The following SLC25A21 variants were observed in gnomAD, a reference collection of about 807,000 sequenced individuals.
SLC25A21 encodes solute carrier family 25 member 21.
Under a neutral mutation model 43.8 loss-of-function variants are expected in SLC25A21, and 47 were observed. The ratio of observed to expected loss-of-function variants is 1.07; its 90% CI spans 0.85 to 1.37. The LOEUF (loss-of-function observed/expected upper bound fraction) is 1.37, where lower values mean the gene tolerates loss of function less well. Among genes scored for constraint, SLC25A21 ranks in the 40% most tolerant of loss-of-function variants. The probability of loss-of-function intolerance (pLI) is 0.00; values close to 1 mark genes in which losing one functional copy is unlikely to be tolerated. For synonymous variants in SLC25A21, 131 were observed against 121.3 expected, an observed-to-expected ratio of 1.08 and a Z score of -0.52; for missense variants, 352 against 350.2, an observed-to-expected ratio of 1.00 and a Z score of -0.04.
chr14:36,813,876 A>C (rs911569314), intron 3 of SLC25A21, 42 bp downstream of exon 3: 25 of 1,350,314 alleles, frequency 1.9e-5, no homozygotes, highest in Non-Finnish European at 2.5e-5. Flanking sequence ...AAACATGTTA[A>C]GTAGAAACAT....
At chr14:36,992,095 C>T (rs972593852) in intron 1 of SLC25A21, among the ~76,000 whole-genome samples, 1 of 152,186 alleles carries the variant, frequency 6.6e-6, no homozygotes, top group Non-Finnish European at 1.5e-5. Context: ...GGCTTCAGGC[C>T]GAGCACTTTG....
At chr14:37,117,217 C>T (rs1219306086) in intron 1 of SLC25A21, among the ~76,000 whole-genome samples, 1 of 152,204 alleles carries the variant, frequency 6.6e-6, no homozygotes, top group Admixed American at 6.5e-5. Context: ...TGAATGGAGT[C>T]TAAGTAAATA....
chr14:36,992,754 T>C (rs1005286981), intron 1 of SLC25A21, among the ~76,000 whole-genome samples: 3 of 152,224 alleles, frequency 2.0e-5, no homozygotes, highest in African/African-American at 4.8e-5. Flanking sequence ...ATAGGGGCTG[T>C]GTTATCAATG....
intron 1 of SLC25A21, among the ~76,000 whole-genome samples, chr14:36,992,675 A>G (rs1382822575): frequency 6.6e-6 from 1 of 152,178 alleles, no homozygotes; most frequent in African/African-American, 2.4e-5. Context: ...AGAAAATCAT[A>G]ACTTTTTTTT....
chr14:36,924,555 T>C (rs1333688920), intron 1 of SLC25A21, among the ~76,000 whole-genome samples: 3 of 151,980 alleles, frequency 2.0e-5, no homozygotes, highest in Non-Finnish European at 1.5e-5. Context: ...AGGGATAGCA[T>C]TAGGAGATAT....
chr14:36,860,050 G>C (rs1249160137), intron 2 of SLC25A21, among the ~76,000 whole-genome samples: 1 of 151,630 alleles, frequency 6.6e-6, no homozygotes, highest in Non-Finnish European at 1.5e-5. Context: ...CACTCCAATG[G>C]AAGTGGGCAA....
At chr14:37,016,481 C>T (rs906967498) in intron 1 of SLC25A21, among the ~76,000 whole-genome samples, 2 of 152,118 alleles carry the variant, frequency 1.3e-5, no homozygotes, top group African/African-American at 4.8e-5. Context: ...TAGCGTGATG[C>T]CTCCAGCTTT....
At chr14:36,769,619 T>A (rs193130235) in intron 3 of SLC25A21, among the ~76,000 whole-genome samples, 4 of 152,320 alleles carry the variant, frequency 2.6e-5, no homozygotes, top group African/African-American at 4.8e-5. Context: ...CTTTGCGTGG[T>A]GCATGTTTAC....
intron 1 of SLC25A21, among the ~76,000 whole-genome samples, chr14:36,948,335 T>C (rs1020664372): frequency 7.2e-5 from 11 of 152,328 alleles, no homozygotes; most frequent in African/African-American, 2.2e-4. Flanking sequence ...TTAGATATAA[T>C]GGTAGCGCAT....
At chr14:37,088,800 CA>C (rs1259263406) in intron 1 of SLC25A21, among the ~76,000 whole-genome samples, 1 of 152,138 alleles carries the variant, frequency 6.6e-6, no homozygotes, top group Non-Finnish European at 1.5e-5. Context: ...CCAGGCAGTG[CA>C]AACGACCGGC....
At chr14:36,988,336 A>C (rs1311106082) in intron 1 of SLC25A21, among the ~76,000 whole-genome samples, 1 of 152,184 alleles carries the variant, frequency 6.6e-6, no homozygotes, top group Non-Finnish European at 1.5e-5. Context: ...GCTAGATAAA[A>C]CAGGGTACGT....
rs755219476 is a variant in SLC25A21 at position 36,705,196 on chromosome 14, A to G, written c.603+6122T>C. On this transcript the variant is annotated intron_variant, in intron 7 of 9. Coordinates refer to ENST00000331299, the MANE Select transcript of SLC25A21 (RefSeq NM_030631.4). ...GCTGGGACTACTGGCGCCCGCCACC[A>G]TGCCTGGTTAATTTTTTTTTTTGTA... Among the ~76,000 whole-genome samples the G allele has an allele frequency of 7.9e-4, 116 of 146,236 alleles. 1 individual carries two copies. Among genetic ancestry groups the G allele is most frequent in the Non-Finnish European group, 1.5e-3 (104 of 67,734 alleles).
intron 3 of SLC25A21, among the ~76,000 whole-genome samples, chr14:36,774,630 T>C (rs1886753926): frequency 6.6e-6 from 1 of 152,086 alleles, no homozygotes; most frequent in African/African-American, 2.4e-5. Context: ...GGCAGTGGTG[T>C]GATCAAGGCT....
At chr14:36,873,495 C>T (rs1314445775) in intron 2 of SLC25A21, among the ~76,000 whole-genome samples, 1 of 152,080 alleles carries the variant, frequency 6.6e-6, no homozygotes, top group African/African-American at 2.4e-5. Context: ...GGGGTTTCAC[C>T]ATGTTGGCCA....
chr14:36,738,498 G>A (rs186632675), intron 3 of SLC25A21, among the ~76,000 whole-genome samples: 1 of 152,340 alleles, frequency 6.6e-6, no homozygotes, highest in East Asian at 1.9e-4. Context: ...GCAGCCAAGA[G>A]CTGCTTTCAG....
At chr14:36,825,711 G>T (rs1888805532) in intron 2 of SLC25A21, among the ~76,000 whole-genome samples, 2 of 152,108 alleles carry the variant, frequency 1.3e-5, no homozygotes, top group Non-Finnish European at 2.9e-5. Flanking sequence ...TACAAATTGA[G>T]ATCTAGATAA....
chr14:36,968,992 C>A (rs548799617), intron 1 of SLC25A21, among the ~76,000 whole-genome samples: 2 of 152,280 alleles, frequency 1.3e-5, no homozygotes, highest in Middle Eastern at 3.4e-3. Context: ...GGCCAAAGGC[C>A]TTTTGAGTTC....
chr14:37,141,665 T>G (rs889289218), intron 1 of SLC25A21, among the ~76,000 whole-genome samples: 1 of 152,220 alleles, frequency 6.6e-6, no homozygotes, highest in Non-Finnish European at 1.5e-5. Flanking sequence ...TAGTAGCAAG[T>G]TGCCCCATTA....
chr14:37,014,146 T>C (rs142698207), intron 1 of SLC25A21, among the ~76,000 whole-genome samples: 70 of 152,266 alleles, frequency 4.6e-4, no homozygotes, highest in African/African-American at 1.5e-3. Flanking sequence ...TTGGGGCAGC[T>C]GTGGCAGTTT....
Sources: allele counts gnomAD v4.1 joint callset (sites outside exome capture counted in the v4.1 genomes callset), GRCh38; gene constraint gnomAD v4.1.1; transcripts MANE v1.5; gene names NCBI Gene and HGNC (gene_info 2026-07-23, HGNC 2026-07-21).